KCNAB1: variants seen among roughly 807,000 people sequenced by gnomAD.
KCNAB1 encodes voltage-gated potassium channel subunit beta-1.
KCNAB1 carries 35 observed loss-of-function variants against 64.6 expected under a neutral mutation model. The observed-to-expected ratio is 0.54, with a 90% CI of 0.41 to 0.72. KCNAB1 has a LOEUF of 0.72. KCNAB1 is among the 30% of genes least tolerant of loss of function. The pLI is 0.00. For missense variants in KCNAB1, 401 were observed against 512.9 expected, an observed-to-expected ratio of 0.78 and a Z score of 2.11; for synonymous variants, 177 against 183.8, an observed-to-expected ratio of 0.96 and a Z score of 0.30.
At chr3:156,329,670 AAGAGAAAGAAGCTGAAAAAGGAAGCC>A (rs1320770453) in intron 1 of KCNAB1, among the ~76,000 whole-genome samples, 1 of 152,136 alleles carries the variant, frequency 6.6e-6, no homozygotes, top group African/African-American at 2.4e-5. Context: ...TTGGCTAAGG[AAGAGAAAGAAGCTGAAAAAGGAAGCC>A]ATTTCACTCT....
chr3:156,499,041 G>GT (rs1332740360), intron 8 of KCNAB1, among the ~76,000 whole-genome samples: 1 of 152,230 alleles, frequency 6.6e-6, no homozygotes, highest in East Asian at 1.9e-4. Context: ...CATTTTGCTT[G>GT]TTGACATTTT....
intron 7 of KCNAB1, among the ~76,000 whole-genome samples, chr3:156,468,453 T>A (rs901996418): frequency 2.6e-5 from 4 of 152,138 alleles, no homozygotes; most frequent in African/African-American, 7.2e-5. Context: ...ACTGTTTTTT[T>A]AATATAATTT....
intron 1 of KCNAB1, among the ~76,000 whole-genome samples, chr3:156,178,175 C>T (rs1252183351): frequency 6.6e-6 from 1 of 152,186 alleles, no homozygotes; most frequent in Non-Finnish European, 1.5e-5. Context: ...TTTAGGCAAG[C>T]TTTCCGTGTT....
intron 1 of KCNAB1, among the ~76,000 whole-genome samples, chr3:156,367,995 A>G (rs1463007284): frequency 6.6e-6 from 1 of 152,200 alleles, no homozygotes; most frequent in East Asian, 1.9e-4. Context: ...GTTTGATTTT[A>G]TGCAATTAAA....
intron 1 of KCNAB1, among the ~76,000 whole-genome samples, chr3:156,180,508 A>G (rs914510360): frequency 4.6e-5 from 7 of 152,212 alleles, no homozygotes; most frequent in Non-Finnish European, 8.8e-5. Flanking sequence ...GTACCTGGAG[A>G]ATACCAAAAA....
At chr3:156,350,839 T>G in intron 1 of KCNAB1, among the ~76,000 whole-genome samples, 1 of 152,260 alleles carries the variant, frequency 6.6e-6, no homozygotes, top group Non-Finnish European at 1.5e-5. Context: ...TCTTTTTAAA[T>G]TAAATGATTC....
chr3:156,371,431 A>AT (rs1178130622), intron 1 of KCNAB1, among the ~76,000 whole-genome samples: 4 of 151,998 alleles, frequency 2.6e-5, no homozygotes, highest in South Asian at 4.1e-4. Context: ...CCCCTGTTCT[A>AT]TTTTTTCTGC....
At position 156,523,812 on chromosome 3, in the gene KCNAB1, T is replaced by TA; in HGVS notation, c.961-14dup. Reference sequence around the variant, plus strand: ...TTACCAGACATTAACATTTCAATGTTATGCTTTTCCCCAGTGCTACCAGTG... The same window carrying TA: ...TTACCAGACATTAACATTTCAATGTTAATGCTTTTCCCCAGTGCTACCAGTG... On this transcript the variant is annotated splice_polypyrimidine_tract_variant and intron_variant, in intron 11 of 13. Transcript: ENST00000490337. The TA allele has an allele frequency of 6.2e-7, 1 of 1,608,052 alleles. No individual in the cohort carries two copies. The highest frequency in any genetic ancestry group is 1.1e-5 in the South Asian group (1 of 90,120).
chr3:156,418,982 T>C (rs1179232964), intron 1 of KCNAB1, among the ~76,000 whole-genome samples: 1 of 152,224 alleles, frequency 6.6e-6, no homozygotes, highest in African/African-American at 2.4e-5. Context: ...AAAGGCCATC[T>C]TGGGCGTTTA....
At position 156,452,781 on chromosome 3, in the gene KCNAB1, ACC is replaced by A. The variant is rs1232169989; in HGVS notation, c.320-117_320-116del. The A allele has an allele frequency of 1.5e-6, 1 of 687,088 alleles. No individual in the cohort carries two copies. Among genetic ancestry groups the A allele is most frequent in the East Asian group, 2.7e-5 (1 of 37,530 alleles). The allele number at this position is 687,088 out of a possible 1,614,324, so 42.6% of individuals were successfully genotyped here. A position where few individuals can be genotyped will look rare whatever the true frequency, so the allele number is the denominator to read the frequency against. ...GCCCACATGTGCCCCTCATCCAGGT[ACC>A]TTTGTGAACTACCCATACAACCTAT... On this transcript the variant is annotated intron_variant, in intron 2 of 13. Transcript: ENST00000490337. The surrounding 1 kb of genome is among the most constrained non-coding windows in gnomAD (Gnocchi z 4.6).
chr3:156,292,108 G>C, intron 1 of KCNAB1: 1 of 1,613,978 alleles, frequency 6.2e-7, no homozygotes. Context: ...CCACCGCAAA[G>C]CAGACTGGCA....
rs78889020 is a variant in KCNAB1 at position 156,362,603 on chromosome 3, A to G, written c.276-59013A>G. Among the ~76,000 whole-genome samples the G allele has an allele frequency of 3.4e-4, 52 of 152,338 alleles. No homozygotes were observed. The East Asian group carries it at 8.7e-3, about 25-fold the overall frequency. ...AGTTCATTGGTTGATGTGAGGATGA[A>G]TTGAGTAAATACATGTAAGATGCTT... On this transcript the variant is annotated intron_variant, in intron 1 of 13. Transcript: ENST00000490337.
At chr3:156,499,403 C>A (rs1317255970) in intron 8 of KCNAB1, among the ~76,000 whole-genome samples, 1 of 152,012 alleles carries the variant, frequency 6.6e-6, no homozygotes, top group South Asian at 2.1e-4. Flanking sequence ...TGGCTGGTAC[C>A]ACTGCTTACA....
At chr3:156,436,083 C>T (rs1352110607) in intron 2 of KCNAB1, among the ~76,000 whole-genome samples, 1 of 152,128 alleles carries the variant, frequency 6.6e-6, no homozygotes, top group Non-Finnish European at 1.5e-5. Flanking sequence ...TGCCCACCCC[C>T]AACAGGCCCC....
intron 2 of KCNAB1, among the ~76,000 whole-genome samples, chr3:156,448,011 A>G (rs1041133655): frequency 2.6e-5 from 4 of 152,246 alleles, no homozygotes; most frequent in Non-Finnish European, 5.9e-5. Context: ...TAACCAAGAT[A>G]GATGTGTGTG....
At chr3:156,393,326 T>C (rs1449167683) in intron 1 of KCNAB1, among the ~76,000 whole-genome samples, 1 of 152,164 alleles carries the variant, frequency 6.6e-6, no homozygotes, top group African/African-American at 2.4e-5. Context: ...GTATGTCTAT[T>C]CTTCAGAGCA....
chr3:156,291,805 G>T, intron 1 of KCNAB1: 2 of 1,565,992 alleles, frequency 1.3e-6, no homozygotes, highest in East Asian at 2.3e-5. Flanking sequence ...GGGGGAGCAA[G>T]GAGGGCTTAA....
At chr3:156,268,927 T>C (rs535094564) in intron 1 of KCNAB1, among the ~76,000 whole-genome samples, 28 of 152,322 alleles carry the variant, frequency 1.8e-4, no homozygotes, top group African/African-American at 5.8e-4. Flanking sequence ...TCAGGAAATC[T>C]TTGCCCAGTC....
At chr3:156,353,871 T>C (rs1031171644) in intron 1 of KCNAB1, among the ~76,000 whole-genome samples, 2 of 152,146 alleles carry the variant, frequency 1.3e-5, no homozygotes, top group African/African-American at 4.8e-5. Context: ...TGCTAGGAGT[T>C]ATTGGGTCCA....
Sources: allele counts gnomAD v4.1 joint callset (sites outside exome capture counted in the v4.1 genomes callset), GRCh38; gene constraint gnomAD v4.1.1; non-coding constraint Gnocchi (gnomAD v3.1); transcripts MANE v1.5; gene names NCBI Gene and HGNC (gene_info 2026-07-23, HGNC 2026-07-21).